The following PIEZO2 variants were observed in gnomAD, a reference collection of about 807,000 sequenced individuals.
The protein encoded by PIEZO2 is piezo type mechanosensitive ion channel component 2.
Under a neutral mutation model 337.3 loss-of-function variants are expected in PIEZO2, and 172 were observed. That is an observed-to-expected ratio of 0.51 (90% confidence interval 0.45 to 0.58). The LOEUF is 0.58. PIEZO2 is among the 20% of genes least tolerant of loss of function. The probability of loss-of-function intolerance (pLI) is 0.00; values close to 1 mark genes in which losing one functional copy is unlikely to be tolerated. For synonymous variants in PIEZO2, 1,251 were observed against 1,228.5 expected (o/e 1.02, Z -0.38); for missense variants, 3,028 against 3,391.3 (o/e 0.89, Z 2.66).
At position 10,878,174 on chromosome 18, in the gene PIEZO2, C is replaced by G. The variant is rs1251008325; in HGVS notation, c.330-6759G>C. ...CAATCTGCCTAACAGAAGCCCTTGC[C>G]TGTTTCATCTGTTTCCCTGGGGACC... On this transcript the variant is annotated intron_variant, in intron 4 of 55. Coordinates refer to ENST00000674853, the MANE Select transcript of PIEZO2 (RefSeq NM_001378183.1). This position sits in a 1 kb window ranked among gnomAD's most constrained non-coding sequence, Gnocchi z 4.3. Among the ~76,000 whole-genome samples the G allele has an allele frequency of 1.3e-5, 2 of 152,234 alleles. No individual in the cohort carries two copies. Among genetic ancestry groups the G allele is most frequent in the Non-Finnish European group, 2.9e-5 (2 of 68,044 alleles).
At chr18:11,076,513 A>T (rs2145963141) in intron 1 of PIEZO2, among the ~76,000 whole-genome samples, 1 of 152,148 alleles carries the variant, frequency 6.6e-6, no homozygotes, top group East Asian at 1.9e-4. Flanking sequence ...TACTATTTGT[A>T]AACTATGAGT....
At chr18:10,958,117 C>T (rs1244922196) in intron 3 of PIEZO2, among the ~76,000 whole-genome samples, 1 of 152,026 alleles carries the variant, frequency 6.6e-6, no homozygotes, top group Non-Finnish European at 1.5e-5. Flanking sequence ...CTCCTCAAAA[C>T]CTGAAAAGTG....
rs1207383118 is a variant in PIEZO2, at chr18:10,762,584, G to C, written c.3165C>G (p.Asn1055Lys). 1 of 1,537,462 alleles carries C rather than the reference G, an allele frequency of 6.5e-7. No individual in the cohort carries two copies. The highest frequency in any genetic ancestry group is 2.4e-5 in the East Asian group (1 of 40,918). Reference sequence around the variant, plus strand: ...TAGGAGCGCTGTAGAGCAGAGACTTGTTCAACTCATTAAAGGGGATGTTTG... The same window carrying C: ...TAGGAGCGCTGTAGAGCAGAGACTTCTTCAACTCATTAAAGGGGATGTTTG... ...NQTNIPFNEL[N>K]KSLLYSAPID... Residue 1055 changes from asparagine to lysine, a missense_variant, in exon 23 of 56, where the codon AAC becomes AAG. Physicochemically the swap from Asn to Lys is moderately conservative, Grantham distance 94 (BLOSUM62 0). This residue lies in a region of PIEZO2 where 1,925 missense variants were observed against 2,051.9 expected (regional missense o/e 0.94). Transcript: ENST00000674853.
chr18:11,107,229 GA>G (rs1394365811), intron 1 of PIEZO2, among the ~76,000 whole-genome samples: 3 of 152,178 alleles, frequency 2.0e-5, no homozygotes, highest in Non-Finnish European at 2.9e-5. Context: ...AAAGGACTTA[GA>G]ACAGTGCACA....
Position 10,791,334 on chromosome 18 carries a change from G to T in PIEZO2, c.1759-10C>A. 6.8e-7 allele frequency: 1 copy of T among 1,481,194 alleles called. No individual in the cohort carries two copies. The highest frequency in any genetic ancestry group is 1.3e-5 in the South Asian group (1 of 76,528). The allele number at this position is 1,481,194 out of a possible 1,614,324, so 91.8% of individuals were successfully genotyped here. A position where few individuals can be genotyped will look rare whatever the true frequency, so the allele number is the denominator to read the frequency against. Reference sequence around the variant, plus strand: ...TAATGGTGAAAAGGATCTGAAAGTAGAGAAGCAGCAAAACAAGAATTAAGC... The same window carrying T: ...TAATGGTGAAAAGGATCTGAAAGTATAGAAGCAGCAAAACAAGAATTAAGC... On this transcript the variant is annotated splice_polypyrimidine_tract_variant and intron_variant, in intron 13 of 55. Transcript: ENST00000674853.
chr18:10,749,313 G>T (rs2037554108), intron 29 of PIEZO2, among the ~76,000 whole-genome samples: 1 of 152,012 alleles, frequency 6.6e-6, no homozygotes, highest in Non-Finnish European at 1.5e-5. Flanking sequence ...CAGGCATAGT[G>T]GTGCAGCTAC....
chr18:11,083,585 C>T lies in PIEZO2; in HGVS notation c.65-17363G>A, dbSNP rs1175426596. 6.7e-6 allele frequency among the ~76,000 whole-genome samples: 1 copy of T among 149,170 alleles called. No individual in the cohort carries two copies. The highest frequency in any genetic ancestry group is 1.5e-5 in the Non-Finnish European group (1 of 67,706). On this transcript the variant is annotated intron_variant, in intron 1 of 55. Transcript: ENST00000674853. This position sits in a 1 kb window ranked among gnomAD's most constrained non-coding sequence, Gnocchi z 4.4. ...CGGTGTGGGCTCTTCCTGTGGCATG[C>T]AGAACTTCCAAAGTTACTTATGAAA...
At position 10,952,515 on chromosome 18, in the gene PIEZO2, T is replaced by C. The variant is rs947013591; in HGVS notation, c.286+27020A>G. On this transcript the variant is annotated intron_variant, in intron 3 of 55. Coordinates refer to ENST00000674853, the MANE Select transcript of PIEZO2 (RefSeq NM_001378183.1). The surrounding 1 kb of genome is among the most constrained non-coding windows in gnomAD (Gnocchi z 4.1). ...TGAATTCACTTAACATAATGCTGAA[T>C]TGAGATGCTCTTGCATGTACCCATA... Among the ~76,000 whole-genome samples the C allele has an allele frequency of 1.3e-5, 2 of 152,204 alleles. No homozygotes were observed. The highest frequency in any genetic ancestry group is 2.9e-5 in the Non-Finnish European group (2 of 68,034).
At chr18:10,937,183 AGCC>A (rs1287027800) in intron 3 of PIEZO2, among the ~76,000 whole-genome samples, 1 of 152,196 alleles carries the variant, frequency 6.6e-6, no homozygotes, top group African/African-American at 2.4e-5. Context: ...AGTTCAGTGG[AGCC>A]ATTAATGCTA....
chr18:10,704,908 C>T (rs1434583684), intron 41 of PIEZO2, among the ~76,000 whole-genome samples: 14 of 152,188 alleles, frequency 9.2e-5, no homozygotes, highest in Admixed American at 9.2e-4. Flanking sequence ...TCAGGCTGGT[C>T]TTGAACTCCT....
At chr18:10,742,737 T>C in intron 31 of PIEZO2, 122 bp from the exon 32 acceptor site, 2 of 1,045,088 alleles carry the variant, frequency 1.9e-6, no homozygotes, top group Non-Finnish European at 2.7e-6. Context: ...TTTGGAATAC[T>C]TGTGAATTGT....
At chr18:10,930,176 T>C (rs2031992573) in intron 3 of PIEZO2, among the ~76,000 whole-genome samples, 1 of 152,128 alleles carries the variant, frequency 6.6e-6, no homozygotes. Flanking sequence ...GTGGGGGAAA[T>C]TTACATTCTT....
intron 3 of PIEZO2, among the ~76,000 whole-genome samples, chr18:10,966,844 C>T (rs2034021681): frequency 6.6e-6 from 1 of 152,044 alleles, no homozygotes; most frequent in African/African-American, 2.4e-5. Flanking sequence ...TAGCTTAGCT[C>T]CCACTTATGA....
Position 10,705,660 on chromosome 18 carries a change from G to GCCT in PIEZO2, c.5672_5674dup (p.Glu1891dup), listed in dbSNP as rs780207139. 269 of 1,536,892 alleles carry GCCT rather than the reference G, an allele frequency of 1.8e-4. No homozygotes were observed. The highest frequency in any genetic ancestry group is 2.2e-4 in the Non-Finnish European group (255 of 1,146,906). Reference sequence around the variant, plus strand: ...CCTGGGCTCAGGCGCCGTGCTCCCTGCCTCCTCCTCCTGCTCAGCCTCCAC... The same window carrying GCCT: ...CCTGGGCTCAGGCGCCGTGCTCCCTGCCTCCTCCTCCTCCTGCTCAGCCTCCAC... On this transcript the variant is annotated inframe_insertion, in exon 41 of 56. Coordinates refer to ENST00000674853, the MANE Select transcript of PIEZO2 (RefSeq NM_001378183.1).
intron 3 of PIEZO2, among the ~76,000 whole-genome samples, chr18:10,975,247 A>G (rs944529503): frequency 1.3e-5 from 2 of 152,234 alleles, no homozygotes; most frequent in African/African-American, 4.8e-5. Context: ...CTGGCCTTCA[A>G]ATTTCACTAA....
chr18:10,856,074 AT>A lies in PIEZO2; in HGVS notation c.704-509del, dbSNP rs1283722915. On this transcript the variant is annotated intron_variant, in intron 6 of 55. Coordinates refer to ENST00000674853, the MANE Select transcript of PIEZO2 (RefSeq NM_001378183.1). This position sits in a 1 kb window ranked among gnomAD's most constrained non-coding sequence, Gnocchi z 4.7. ...ATTTTGTTTTGTTTTATTTTATTTT[AT>A]TTTTTGTAGGGATGGGGTTTTGCCA... 6.7e-6 allele frequency among the ~76,000 whole-genome samples: 1 copy of A among 149,352 alleles called. No homozygotes were observed. The highest frequency in any genetic ancestry group is 1.5e-5 in the Non-Finnish European group (1 of 67,322).
At position 10,766,206 on chromosome 18, in the gene PIEZO2, GAAA is replaced by G. The variant is rs1444741988; in HGVS notation, c.2947-3111_2947-3109del. Among the ~76,000 whole-genome samples, 2 of 140,868 alleles carry G rather than the reference GAAA, an allele frequency of 1.4e-5. No individual in the cohort carries two copies. Among genetic ancestry groups the G allele is most frequent in the African/African-American group, 5.4e-5 (2 of 36,890 alleles). The allele number at this position is 140,868 out of a possible 152,430, so 92.4% of individuals were successfully genotyped here. A position where few individuals can be genotyped will look rare whatever the true frequency, so the allele number is the denominator to read the frequency against. ...CCTGATGGTAAGAATCTCGTGGAAG[GAAA>G]GAAGAAGAAAGAAGGAGGAACAGGA... On this transcript the variant is annotated intron_variant, in intron 21 of 55. Coordinates refer to ENST00000674853, the MANE Select transcript of PIEZO2 (RefSeq NM_001378183.1). The surrounding 1 kb of genome is among the most constrained non-coding windows in gnomAD (Gnocchi z 6.1).
At position 10,823,546 on chromosome 18, in the gene PIEZO2, G is replaced by A. The variant is rs568713219; in HGVS notation, c.918-16272C>T. On this transcript the variant is annotated intron_variant, in intron 7 of 55. Coordinates refer to ENST00000674853, the MANE Select transcript of PIEZO2 (RefSeq NM_001378183.1). ...CACATTATTTTGGTGAATGCTTGAAGGAATAATTTTTTTCATTCACGCATC... is the reference window on the plus strand; with the variant it reads ...CACATTATTTTGGTGAATGCTTGAAAGAATAATTTTTTTCATTCACGCATC... Among the ~76,000 whole-genome samples, 246 of 152,250 alleles carry A rather than the reference G, an allele frequency of 1.6e-3. 3 individuals carry two copies. Among genetic ancestry groups the A allele is most frequent in the Middle Eastern group, 3.4e-3 (1 of 294 alleles).
intron 35 of PIEZO2, among the ~76,000 whole-genome samples, chr18:10,734,973 A>G (rs960963746): frequency 2.0e-5 from 3 of 152,244 alleles, no homozygotes; most frequent in African/African-American, 7.2e-5. Context: ...GACAGCAAGT[A>G]TATCTGTATC....
Sources: allele counts gnomAD v4.1 joint callset (sites outside exome capture counted in the v4.1 genomes callset), GRCh38; gene constraint gnomAD v4.1.1; regional missense constraint gnomAD v4.1.1; non-coding constraint Gnocchi (gnomAD v3.1); transcripts MANE v1.5; gene names NCBI Gene and HGNC (gene_info 2026-07-23, HGNC 2026-07-21).